Variants in ROBO2 observed in about 807,000 individuals in gnomAD.
The protein encoded by ROBO2 is roundabout guidance receptor 2.
Under a neutral mutation model 160.8 loss-of-function variants are expected in ROBO2, and 53 were observed. The ratio of observed to expected loss-of-function variants is 0.33; its 90% CI spans 0.26 to 0.41. The LOEUF (loss-of-function observed/expected upper bound fraction) is 0.41. Among genes scored for constraint, ROBO2 ranks in the 10% least tolerant of loss-of-function variants. ROBO2 has a pLI of 1.00. For synonymous variants in ROBO2, 664 were observed against 611.7 expected (o/e 1.09, Z -1.26); for missense variants, 1,577 against 1,722.4 (o/e 0.92, Z 1.49).
chr3:77,366,102 G>A (rs1037571046), intron 2 of ROBO2, among the ~76,000 whole-genome samples: 2 of 152,052 alleles, frequency 1.3e-5, no homozygotes, highest in Non-Finnish European at 2.9e-5. Context: ...GAATTTTTCT[G>A]TTGAGTTTGT....
intron 1 of ROBO2, among the ~76,000 whole-genome samples, chr3:77,085,351 A>G (rs2069170779): frequency 6.6e-6 from 1 of 152,182 alleles, no homozygotes; most frequent in African/African-American, 2.4e-5. Flanking sequence ...AACAGAGCTT[A>G]TTCCAAATTT....
chr3:76,501,579 A>G (rs1167572387), intron 2 of ROBO2, among the ~76,000 whole-genome samples: 2 of 152,268 alleles, frequency 1.3e-5, no homozygotes, highest in Middle Eastern at 3.4e-3. Context: ...TACTGCAACA[A>G]TCTTTTCATG....
At chr3:76,876,939 T>C (rs1289711720) in intron 2 of ROBO2, among the ~76,000 whole-genome samples, 2 of 152,194 alleles carry the variant, frequency 1.3e-5, no homozygotes, top group East Asian at 1.9e-4. Flanking sequence ...TCTAGAATGA[T>C]GATGAATTCC....
chr3:76,245,993 A>G (rs1005767409), intron 2 of ROBO2, among the ~76,000 whole-genome samples: 2 of 152,168 alleles, frequency 1.3e-5, no homozygotes, highest in African/African-American at 4.8e-5. Context: ...GCTGAATTTT[A>G]TGAAAGGTAC....
chr3:77,265,984 G>A lies in ROBO2; in HGVS notation c.388+167644G>A, dbSNP rs2059096097. On this transcript the variant is annotated intron_variant, in intron 2 of 25. Coordinates refer to ENST00000461745, the Ensembl canonical transcript of ROBO2. The stretch of plus-strand genomic sequence containing the variant: ...TCATGGATGTGCATCTCTTAATTTT[G>A]GGGGGTGCATGTAAAGCTATTCTAC... 2.0e-5 allele frequency among the ~76,000 whole-genome samples: 3 copies of A among 151,950 alleles called. No individual in the cohort carries two copies. In the South Asian group the frequency reaches 6.2e-4, roughly 32 times the overall value.
chr3:77,464,398 G>A (rs998612122), intron 2 of ROBO2, among the ~76,000 whole-genome samples: 6 of 152,226 alleles, frequency 3.9e-5, no homozygotes, highest in Non-Finnish European at 8.8e-5. Flanking sequence ...AGAACAAACT[G>A]TGTTTAGGCC....
At chr3:77,453,819 T>A (rs1474826815) in intron 2 of ROBO2, among the ~76,000 whole-genome samples, 1 of 152,176 alleles carries the variant, frequency 6.6e-6, no homozygotes, top group African/African-American at 2.4e-5. Context: ...ATTATGGGAT[T>A]AATTTTTATC....
At chr3:76,122,645 T>G (rs966391595) in intron 2 of ROBO2, among the ~76,000 whole-genome samples, 5 of 152,150 alleles carry the variant, frequency 3.3e-5, no homozygotes, top group Admixed American at 6.5e-5. Flanking sequence ...TTATTAGTTA[T>G]GTTATTTAAG....
intron 2 of ROBO2, among the ~76,000 whole-genome samples, chr3:76,762,987 A>G (rs2061389439): frequency 2.6e-5 from 4 of 151,324 alleles, no homozygotes. Context: ...AAATTGGTAA[A>G]TTAATTAAGC....
chr3:75,917,586 G>A (rs1345541172), intron 1 of ROBO2, among the ~76,000 whole-genome samples: 1 of 152,096 alleles, frequency 6.6e-6, no homozygotes, highest in African/African-American at 2.4e-5. Context: ...GGTATTTCTG[G>A]TTCTATATCC....
chr3:77,215,076 A>G (rs1278741115), intron 2 of ROBO2, among the ~76,000 whole-genome samples: 3 of 152,230 alleles, frequency 2.0e-5, no homozygotes, highest in African/African-American at 7.2e-5. Flanking sequence ...GCTCTTCTCA[A>G]GGAGTATCTT....
intron 2 of ROBO2, among the ~76,000 whole-genome samples, chr3:76,987,369 G>A (rs1315519531): frequency 6.6e-6 from 1 of 152,046 alleles, no homozygotes; most frequent in African/African-American, 2.4e-5. Flanking sequence ...AGGGAATCAT[G>A]CGTCACAGTG....
chr3:76,008,918 G>T (rs572026781), intron 2 of ROBO2, among the ~76,000 whole-genome samples: 1 of 152,260 alleles, frequency 6.6e-6, no homozygotes, highest in African/African-American at 2.4e-5. Context: ...GTTGGATGGG[G>T]AGTAGACAGT....
rs142869586 is a variant in ROBO2 at position 77,482,481 on chromosome 3, C to T, written c.667+1262C>T. ...CAGAATGCAGGCCTCTCCTTTCAAT[C>T]ATTCTGAGCACCAGGTAATCTCTGG... On this transcript the variant is annotated intron_variant, in intron 4 of 25. Transcript: ENST00000461745. Among the ~76,000 whole-genome samples, 483 of 152,308 alleles carry T rather than the reference C, an allele frequency of 3.2e-3. 4 individuals carry two copies. In the Middle Eastern group the frequency reaches 0.058, roughly 18 times the overall value.
rs1276662971 is a variant in ROBO2 at position 76,834,061 on chromosome 3, C to T, written c.110-263953C>T. Among the ~76,000 whole-genome samples, 70 of 34,830 alleles carry T rather than the reference C, an allele frequency of 2.0e-3. 3 individuals carry two copies. Among genetic ancestry groups the T allele is most frequent in the East Asian group, 1.8e-3 (2 of 1,102 alleles). 22.8% of individuals were successfully genotyped at this position (34,830 alleles called of 152,430 possible). On this transcript the variant is annotated intron_variant, in intron 2 of 26. Coordinates refer to the ROBO2 transcript ENST00000487694. ...TTTCCTTTCTTTCTCTCCTTTCTTT[C>T]TTTTCTTTCTTTCTTTCTTTCTTTC...
intron 2 of ROBO2, among the ~76,000 whole-genome samples, chr3:76,080,479 A>G (rs1474840951): frequency 1.3e-5 from 2 of 152,166 alleles, no homozygotes; most frequent in Non-Finnish European, 2.9e-5. Context: ...AGCACAACAC[A>G]TTCTTTTTCG....
chr3:77,059,429 T>C (rs1311821774), intron 1 of ROBO2, among the ~76,000 whole-genome samples: 1 of 152,236 alleles, frequency 6.6e-6, no homozygotes, highest in Non-Finnish European at 1.5e-5. Flanking sequence ...GGAGTAGCAC[T>C]AGCCTATAAG....
intron 2 of ROBO2, among the ~76,000 whole-genome samples, chr3:77,320,769 T>A (rs2064596589): frequency 6.6e-6 from 1 of 152,180 alleles, no homozygotes; most frequent in Non-Finnish European, 1.5e-5. Context: ...GGTACTTCAC[T>A]TGTAGACTAC....
At chr3:76,649,096 A>G (rs2091129339) in intron 2 of ROBO2, among the ~76,000 whole-genome samples, 1 of 152,122 alleles carries the variant, frequency 6.6e-6, no homozygotes, top group African/African-American at 2.4e-5. Flanking sequence ...GTGAATGATT[A>G]GTATTCTCAG....
Sources: allele counts gnomAD v4.1 joint callset (sites outside exome capture counted in the v4.1 genomes callset), GRCh38; gene constraint gnomAD v4.1.1; transcripts MANE v1.5; gene names NCBI Gene and HGNC (gene_info 2026-07-23, HGNC 2026-07-21).